The following ELK3 variants were observed in gnomAD, a reference collection of about 807,000 sequenced individuals.
ELK3 encodes ETS transcription factor ELK3, also known as ETS domain-containing protein Elk-3.
ELK3 carries 10 observed loss-of-function variants against 28.9 expected under a neutral mutation model. That is an observed-to-expected ratio of 0.35 (90% CI 0.21 to 0.59). The LOEUF (loss-of-function observed/expected upper bound fraction) is 0.59, where lower values mean the gene tolerates loss of function less well. Among genes scored for constraint, ELK3 ranks in the 20% least tolerant of loss-of-function variants. ELK3 has a pLI of 0.82. For synonymous variants in ELK3, 272 were observed against 243.5 expected, an observed-to-expected ratio of 1.12 and a Z score of -1.09; for missense variants, 463 against 517.3, an observed-to-expected ratio of 0.90 and a Z score of 1.02.
Position 96,247,384 on chromosome 12 carries a change from G to T in ELK3, c.652G>T (p.Val218Phe), listed in dbSNP as rs764803238. ...AAASAFLASS[V>F]SAKISSLMLP... ...GGCGTCCGCCTTCCTGGCCTCGTCC[G>T]TCTCGGCCAAGATCTCCTCTTTAAT... is the stretch of plus-strand genomic sequence containing the variant. Residue 218 changes from valine to phenylalanine, a missense_variant, in exon 3 of 5, where the codon GTC becomes TTC. Physicochemically the swap from Val to Phe is conservative, Grantham distance 50. Transcript: ENST00000228741. The surrounding 1 kb of genome is among the most constrained non-coding windows in gnomAD (Gnocchi z 5.5). 4.3e-6 allele frequency: 7 copies of T among 1,614,010 alleles called. No homozygotes were observed. The East Asian group carries it at 1.3e-4, about 31-fold the overall frequency.
At chr12:96,206,045 G>A (rs1186363181) in intron 1 of ELK3, among the ~76,000 whole-genome samples, 4 of 152,168 alleles carry the variant, frequency 2.6e-5, no homozygotes, top group Admixed American at 1.3e-4. Flanking sequence ...AATTCTCAAA[G>A]GATTGGGGGT....
intron 3 of ELK3, among the ~76,000 whole-genome samples, chr12:96,254,320 A>G (rs576756943): frequency 8.5e-5 from 13 of 152,324 alleles, no homozygotes; most frequent in Middle Eastern, 3.4e-3. Context: ...GTGAGATTCT[A>G]TCTCAAAGAT....
chr12:96,245,307 G>A (rs949526221), intron 2 of ELK3, among the ~76,000 whole-genome samples: 1 of 152,124 alleles, frequency 6.6e-6, no homozygotes, highest in African/African-American at 2.4e-5. Flanking sequence ...CATGTCTATT[G>A]GGGGATCTTT....
chr12:96,211,487 T>TTGTGTG lies in ELK3; in HGVS notation c.-2-12044_-2-12039dup, dbSNP rs201554119. On this transcript the variant is annotated intron_variant, in intron 1 of 4. Transcript: ENST00000228741. Reference sequence around the variant, plus strand: ...CTGCCCTGGGGATGTCATTGTGTGTTTGTGTGTGTGTGTGTGTGTGTGTGT... The same window carrying TTGTGTG: ...CTGCCCTGGGGATGTCATTGTGTGTTTGTGTGTGTGTGTGTGTGTGTGTGTGTGTGT... 1.2e-3 allele frequency among the ~76,000 whole-genome samples: 67 copies of TTGTGTG among 54,496 alleles called. 1 individual carries two copies. Among genetic ancestry groups the TTGTGTG allele is most frequent in the African/African-American group, 2.8e-3 (58 of 20,916 alleles). 35.8% of individuals were successfully genotyped at this position (54,496 alleles called of 152,430 possible). A position where few individuals can be genotyped will look rare whatever the true frequency, so the allele number is the denominator to read the frequency against.
chr12:96,195,672 C>T (rs1951459450), intron 1 of ELK3, among the ~76,000 whole-genome samples: 4 of 151,756 alleles, frequency 2.6e-5, no homozygotes, highest in Admixed American at 6.6e-5. Context: ...GAAAAAAAAA[C>T]GAGTGTCGGG....
At chr12:96,250,919 G>A (rs1951900426) in intron 3 of ELK3, among the ~76,000 whole-genome samples, 1 of 152,198 alleles carries the variant, frequency 6.6e-6, no homozygotes, top group African/African-American at 2.4e-5. Flanking sequence ...AAGGGGAGAA[G>A]TAAGGGAGCC....
At chr12:96,259,100 T>TA (rs1951973474) in intron 3 of ELK3, among the ~76,000 whole-genome samples, 1 of 152,246 alleles carries the variant, frequency 6.6e-6, no homozygotes. Flanking sequence ...ATTTTGTTTG[T>TA]ATACTAATCC....
Position 96,267,813 on chromosome 12 carries a change from T to C in ELK3, c.*633T>C. ...TGTTTTTATAATAAACTAAGCCATA[T>C]TTAGACAATAAACATTGATAAAAGA... is the stretch of plus-strand genomic sequence containing the variant. On this transcript the variant is annotated 3_prime_UTR_variant, in exon 5 of 5. Coordinates refer to ENST00000228741, the MANE Select transcript of ELK3 (RefSeq NM_005230.4). 7.4e-6 allele frequency: 1 copy of C among 134,606 alleles called. No homozygotes were observed. The highest frequency in any genetic ancestry group is 2.1e-4 in the East Asian group (1 of 4,750). The allele number at this position is 134,606 out of a possible 1,614,324, so 8.3% of individuals were successfully genotyped here. A position where few individuals can be genotyped will look rare whatever the true frequency, so the allele number is the denominator to read the frequency against.
chr12:96,251,463 G>T (rs371150537), intron 3 of ELK3, among the ~76,000 whole-genome samples: 61 of 152,270 alleles, frequency 4.0e-4, no homozygotes, highest in Non-Finnish European at 7.2e-4. Context: ...GAAGAGCTGC[G>T]CATCTCTCAT....
chr12:96,235,525 G>T (rs1192069653), intron 2 of ELK3, among the ~76,000 whole-genome samples: 4 of 152,286 alleles, frequency 2.6e-5, no homozygotes, highest in Admixed American at 6.5e-5. Context: ...AAGGGAGTCT[G>T]TCACCTTGGA....
intron 1 of ELK3, among the ~76,000 whole-genome samples, chr12:96,195,701 G>A (rs1367222890): frequency 1.3e-5 from 2 of 152,112 alleles, no homozygotes; most frequent in Non-Finnish European, 2.9e-5. Flanking sequence ...TGGCTTGTCT[G>A]GAAACGGCAA....
At chr12:96,245,740 T>C (rs1194340709) in intron 2 of ELK3, among the ~76,000 whole-genome samples, 1 of 152,078 alleles carries the variant, frequency 6.6e-6, no homozygotes. Context: ...AAGCATTTGG[T>C]AGGTAAATAT....
chr12:96,236,811 A>C (rs935865170), intron 2 of ELK3, among the ~76,000 whole-genome samples: 4 of 152,256 alleles, frequency 2.6e-5, no homozygotes, highest in African/African-American at 9.6e-5. Flanking sequence ...TTGGTGGCTC[A>C]AAACAATAGA....
intron 2 of ELK3, among the ~76,000 whole-genome samples, chr12:96,236,589 C>T (rs1041197833): frequency 3.3e-5 from 5 of 152,040 alleles, no homozygotes; most frequent in South Asian, 2.1e-4. Context: ...TGGGTGTGTA[C>T]GTGTGTGTGT....
intron 1 of ELK3, among the ~76,000 whole-genome samples, chr12:96,204,806 A>G (rs994382336): frequency 3.3e-5 from 5 of 152,242 alleles, no homozygotes; most frequent in African/African-American, 9.6e-5. Context: ...CCCTAACACT[A>G]AAAGTTAACA....
rs929778512 is a variant in ELK3, at chr12:96,268,058, C to T, written c.*878C>T. 4.6e-5 allele frequency: 7 copies of T among 152,062 alleles called. No individual in the cohort carries two copies. Among genetic ancestry groups the T allele is most frequent in the South Asian group, 2.1e-4 (1 of 4,826 alleles). The allele number at this position is 152,062 out of a possible 1,614,324, so 9.4% of individuals were successfully genotyped here. ...TTTCTCAGTTTTCCATAGGGAATCCCGACCATCTGATATATTTACTGTGTC... is the reference window on the plus strand; with the variant it reads ...TTTCTCAGTTTTCCATAGGGAATCCTGACCATCTGATATATTTACTGTGTC... On this transcript the variant is annotated 3_prime_UTR_variant, in exon 5 of 5. Coordinates refer to ENST00000228741, the MANE Select transcript of ELK3 (RefSeq NM_005230.4).
At position 96,204,986 on chromosome 12, in the gene ELK3, T is replaced by C. The variant is rs555922865; in HGVS notation, c.-3+10281T>C. Among the ~76,000 whole-genome samples, 8 of 152,342 alleles carry C rather than the reference T, an allele frequency of 5.3e-5. No homozygotes were observed. In the East Asian group the frequency reaches 1.4e-3, roughly 26 times the overall value. ...AAGGTGAGGAGTGTGTATGCGCCTT[T>C]ACGGATGTGGGCTGCAAGAGGGAGG... On this transcript the variant is annotated intron_variant, in intron 1 of 4. Transcript: ENST00000228741.
rs79064845 is a variant in ELK3 at position 96,215,501 on chromosome 12, C to T, written c.-2-8064C>T. ...CTGACAGCTCTCACGTAGGCGGAGG[C>T]GGGCACAGCGTAATGAGAATGATCA... On this transcript the variant is annotated intron_variant, in intron 1 of 4. Coordinates refer to ENST00000228741, the MANE Select transcript of ELK3 (RefSeq NM_005230.4). Among the ~76,000 whole-genome samples the T allele has an allele frequency of 1.5e-3, 235 of 152,074 alleles. 1 individual carries two copies. The highest frequency in any genetic ancestry group is 5.3e-3 in the African/African-American group (218 of 41,492).
rs375568901 is a variant in ELK3 at position 96,247,021 on chromosome 12, G to A, written c.289G>A (p.Ala97Thr). 7.0e-5 allele frequency: 113 copies of A among 1,614,048 alleles called. No homozygotes were observed. The highest frequency in any genetic ancestry group is 2.1e-4 in the South Asian group (19 of 91,088). The change falls in exon 3 of 5, where the codon GCG becomes ACG. Residue 97 changes from alanine (A) to threonine (T), a missense_variant. This residue lies in a region of ELK3 where 408 missense variants were observed against 414.8 expected (regional missense o/e 0.98). Transcript: ENST00000228741. The surrounding 1 kb of genome is among the most constrained non-coding windows in gnomAD (Gnocchi z 5.5). ...GGAGATCCTGAAGATGGATCCTCAC[G>A]CGGTGGAGATCAGCCGGGAGAGCCT... ...FPEILKMDPH[A>T]VEISRESLLL...
Sources: gnomAD v4.1 joint callset for allele counts (sites outside exome capture counted in the v4.1 genomes callset) on GRCh38, gnomAD v4.1.1 for gene constraint, gnomAD v4.1.1 regional missense constraint, Gnocchi (gnomAD v3.1) non-coding constraint, MANE v1.5 for transcripts, NCBI Gene and HGNC (gene_info 2026-07-23, HGNC 2026-07-21) for gene names.